The following ACER3 variants were observed in gnomAD, a reference collection of about 807,000 sequenced individuals.
The protein encoded by ACER3 is alkaline ceramidase 3, also known as alkCDase 3.
ACER3 carries 16 observed loss-of-function variants against 48.9 expected under a neutral mutation model. That is an observed-to-expected ratio of 0.33 (90% CI 0.22 to 0.50). ACER3 has a LOEUF of 0.50. ACER3 is among the 20% of genes least tolerant of loss of function. The pLI is 0.98. For synonymous variants in ACER3, 109 were observed against 107.8 expected (o/e 1.01, Z -0.07); for missense variants, 227 against 326.0 (o/e 0.70, Z 2.34).
rs185414891 is a variant in ACER3 at position 76,900,862 on chromosome 11, C to T, written c.104-25695C>T. Among the ~76,000 whole-genome samples the T allele has an allele frequency of 3.3e-5, 5 of 152,266 alleles. No individual in the cohort carries two copies. In the East Asian group the frequency reaches 5.8e-4, roughly 18 times the overall value. Reference sequence around the variant, plus strand: ...TTTCTCCAAGGTTCATATCTTGAAACCCTTCACCCTCTACCTTTTTTGCCG... The same window carrying T: ...TTTCTCCAAGGTTCATATCTTGAAATCCTTCACCCTCTACCTTTTTTGCCG... On this transcript the variant is annotated intron_variant, in intron 1 of 10. Transcript: ENST00000532485.
intron 5 of ACER3, among the ~76,000 whole-genome samples, chr11:76,988,999 C>T (rs931555045): frequency 2.7e-5 from 4 of 150,172 alleles, no homozygotes; most frequent in Non-Finnish European, 5.9e-5. Flanking sequence ...AAAATTAATA[C>T]CTAACACATA....
intron 6 of ACER3, among the ~76,000 whole-genome samples, chr11:76,995,248 A>G (rs1012503546): frequency 2.6e-5 from 4 of 152,154 alleles, no homozygotes; most frequent in African/African-American, 7.2e-5. Flanking sequence ...CACAACAAGC[A>G]TGTTTCTACT....
chr11:76,983,070 C>T lies in ACER3; in HGVS notation c.321-2573C>T, dbSNP rs558921336. Among the ~76,000 whole-genome samples, 4 of 152,236 alleles carry T rather than the reference C, an allele frequency of 2.6e-5. No individual in the cohort carries two copies. In the East Asian group the frequency reaches 7.7e-4, roughly 29 times the overall value. On this transcript the variant is annotated intron_variant, in intron 4 of 10. Coordinates refer to ENST00000532485, the MANE Select transcript of ACER3 (RefSeq NM_018367.7). Reference sequence around the variant, plus strand: ...AGCTTTGGAAATTTTAGTTCCTTTGCATTTCCACATAAATTTTAGAGTCAG... The same window carrying T: ...AGCTTTGGAAATTTTAGTTCCTTTGTATTTCCACATAAATTTTAGAGTCAG...
chr11:76,914,761 G>T (rs1946477765), intron 1 of ACER3, among the ~76,000 whole-genome samples: 1 of 152,104 alleles, frequency 6.6e-6, no homozygotes, highest in African/African-American at 2.4e-5. Flanking sequence ...GTTTGTTGTG[G>T]CACTATTCAC....
At chr11:76,985,038 C>T (rs770650581) in intron 4 of ACER3, among the ~76,000 whole-genome samples, 1 of 152,116 alleles carries the variant, frequency 6.6e-6, no homozygotes, top group Non-Finnish European at 1.5e-5. Flanking sequence ...TTTTTCTCTC[C>T]CTGCAGATTA....
chr11:76,900,506 T>C (rs1946052083), intron 1 of ACER3, among the ~76,000 whole-genome samples: 1 of 152,070 alleles, frequency 6.6e-6, no homozygotes, highest in Non-Finnish European at 1.5e-5. Flanking sequence ...GTAAAAGGAG[T>C]CAAAGCAGTC....
At chr11:77,016,810 C>G in intron 9 of ACER3, 31 bp downstream of exon 9, 1 of 1,217,590 alleles carries the variant, frequency 8.2e-7, no homozygotes, top group Non-Finnish European at 1.2e-6. Flanking sequence ...TAGCCTCGTA[C>G]TAGAGTTTGT....
chr11:76,920,634 CTTTTT>C (rs11320505), intron 1 of ACER3, among the ~76,000 whole-genome samples: 2 of 132,874 alleles, frequency 1.5e-5, no homozygotes, highest in African/African-American at 2.8e-5. Context: ...GAACTCTTGA[CTTTTT>C]TTTTTTTTTT....
chr11:76,964,695 G>A (rs1362383360), intron 3 of ACER3, among the ~76,000 whole-genome samples: 1 of 151,284 alleles, frequency 6.6e-6, no homozygotes. Flanking sequence ...TGATACCCAG[G>A]CAAACAGGGT....
intron 1 of ACER3, among the ~76,000 whole-genome samples, chr11:76,897,578 C>T (rs1264783247): frequency 6.6e-6 from 1 of 152,104 alleles, no homozygotes; most frequent in Non-Finnish European, 1.5e-5. Flanking sequence ...ATTATCATCT[C>T]TGACATCATC....
chr11:76,900,358 G>A (rs1376153583), intron 1 of ACER3, among the ~76,000 whole-genome samples: 1 of 152,196 alleles, frequency 6.6e-6, no homozygotes, highest in Non-Finnish European at 1.5e-5. Flanking sequence ...CACAGTTGGT[G>A]TGACTTTAAG....
At chr11:76,883,185 CT>C (rs1945575375) in intron 1 of ACER3, among the ~76,000 whole-genome samples, 1 of 152,216 alleles carries the variant, frequency 6.6e-6, no homozygotes, top group South Asian at 2.1e-4. Context: ...CACTCCGGTG[CT>C]TCCAGATAAT....
intron 3 of ACER3, among the ~76,000 whole-genome samples, chr11:76,975,933 G>A (rs1023277808): frequency 5.9e-5 from 8 of 134,534 alleles, no homozygotes; most frequent in African/African-American, 2.3e-4. Flanking sequence ...AGGCTGGAGT[G>A]CAGTGGTGCA....
intron 4 of ACER3, among the ~76,000 whole-genome samples, chr11:76,979,593 C>T (rs886262620): frequency 3.3e-5 from 5 of 151,466 alleles, no homozygotes; most frequent in African/African-American, 1.2e-4. Context: ...GCAGAAGCTG[C>T]AGTGAGCTGA....
rs564058411 is a variant in ACER3 at position 76,913,430 on chromosome 11, A to G, written c.104-13127A>G. 5.3e-5 allele frequency among the ~76,000 whole-genome samples: 8 copies of G among 152,262 alleles called. No homozygotes were observed. In the East Asian group the frequency reaches 1.4e-3, roughly 26 times the overall value. On this transcript the variant is annotated intron_variant, in intron 1 of 10. Coordinates refer to ENST00000532485, the MANE Select transcript of ACER3 (RefSeq NM_018367.7). ...TGTTGAATCGGAATAGTGAGAGAGGACATCCTTGTCTTGTGCCAGTTTTCA... is the reference window on the plus strand; with the variant it reads ...TGTTGAATCGGAATAGTGAGAGAGGGCATCCTTGTCTTGTGCCAGTTTTCA...
At position 76,905,339 on chromosome 11, in the gene ACER3, A is replaced by G. The variant is rs535287398; in HGVS notation, c.104-21218A>G. Among the ~76,000 whole-genome samples, 4 of 152,270 alleles carry G rather than the reference A, an allele frequency of 2.6e-5. No individual in the cohort carries two copies. In the South Asian group the frequency reaches 8.3e-4, roughly 32 times the overall value. ...TGACTCCCCTCATGTAAAATAATGT[A>G]TTTAGCATTTGTCGTTCTTTTACTT... On this transcript the variant is annotated intron_variant, in intron 1 of 10. Coordinates refer to ENST00000532485, the MANE Select transcript of ACER3 (RefSeq NM_018367.7).
chr11:76,944,443 A>T (rs868760135), intron 2 of ACER3, among the ~76,000 whole-genome samples: 2 of 151,952 alleles, frequency 1.3e-5, no homozygotes, highest in South Asian at 2.1e-4. Flanking sequence ...GAAAGACTTT[A>T]TTTTGCCTTT....
chr11:76,931,455 G>A (rs1946996605), intron 2 of ACER3, among the ~76,000 whole-genome samples: 1 of 151,744 alleles, frequency 6.6e-6, no homozygotes, highest in South Asian at 2.1e-4. Flanking sequence ...GGAGCATTTA[G>A]CCCATTTACG....
At chr11:76,984,753 A>G (rs1029257248) in intron 4 of ACER3, among the ~76,000 whole-genome samples, 10 of 152,226 alleles carry the variant, frequency 6.6e-5, no homozygotes, top group African/African-American at 2.4e-4. Flanking sequence ...TTTCTCCAAT[A>G]ATATTCCTTA....
Sources: gnomAD v4.1 joint callset for allele counts (sites outside exome capture counted in the v4.1 genomes callset) on GRCh38, gnomAD v4.1.1 for gene constraint, MANE v1.5 for transcripts, NCBI Gene and HGNC (gene_info 2026-07-23, HGNC 2026-07-21) for gene names.